STAG1: variants seen among roughly 807,000 people sequenced by gnomAD.
STAG1 encodes STAG1 cohesin complex component, also known as cohesin subunit SA-1.
Under a neutral mutation model 170.9 loss-of-function variants are expected in STAG1, and 26 were observed. That is an observed-to-expected ratio of 0.15 (90% CI 0.11 to 0.21). The LOEUF (loss-of-function observed/expected upper bound fraction) is 0.21. Among genes scored for constraint, STAG1 ranks in the 10% least tolerant of loss-of-function variants. The pLI, the probability that STAG1 is intolerant of heterozygous loss-of-function variation, is 1.00. For missense variants in STAG1, 964 were observed against 1,509.5 expected (o/e 0.64, Z 5.99); for synonymous variants, 514 against 497.7 (o/e 1.03, Z -0.44).
intron 3 of STAG1, among the ~76,000 whole-genome samples, chr3:136,613,538 ATG>A (rs975063993): frequency 6.6e-6 from 1 of 152,084 alleles, no homozygotes; most frequent in African/African-American, 2.4e-5. Context: ...CCAGACTAGA[ATG>A]TAATGATGCA....
chr3:136,678,040 G>A (rs1942194480), intron 1 of STAG1, among the ~76,000 whole-genome samples: 1 of 149,480 alleles, frequency 6.7e-6, no homozygotes, highest in Non-Finnish European at 1.5e-5. Flanking sequence ...GCACTAGTAT[G>A]AAGAAAATAC....
chr3:136,678,618 T>C (rs763312490), intron 1 of STAG1, among the ~76,000 whole-genome samples: 6 of 151,236 alleles, frequency 4.0e-5, no homozygotes, highest in African/African-American at 7.3e-5. Context: ...AAAAATTAAG[T>C]TTTTGTATCT....
intron 1 of STAG1, among the ~76,000 whole-genome samples, chr3:136,734,980 A>AGTG (rs1934254883): frequency 6.6e-6 from 1 of 152,182 alleles, no homozygotes; most frequent in African/African-American, 2.4e-5. Flanking sequence ...CCAGGCCTGC[A>AGTG]GTTTCTGGTC....
At chr3:136,464,132 T>C (rs1449938451) in intron 13 of STAG1, among the ~76,000 whole-genome samples, 1 of 151,856 alleles carries the variant, frequency 6.6e-6, no homozygotes, top group African/African-American at 2.4e-5. Context: ...ATTAAAATAA[T>C]CCTGATCATG....
chr3:136,580,726 G>C (rs926458037), intron 4 of STAG1, among the ~76,000 whole-genome samples: 8 of 150,562 alleles, frequency 5.3e-5, no homozygotes, highest in Non-Finnish European at 1.2e-4. Context: ...GTAGAGACGG[G>C]GTTTCACCTT....
In STAG1 at chr3:136,718,792, T is replaced by TG. The variant is rs775782082; in HGVS notation, c.-84+33402dup. On this transcript the variant is annotated intron_variant, in intron 1 of 33. Coordinates refer to ENST00000383202, the MANE Select transcript of STAG1 (RefSeq NM_005862.3). The stretch of plus-strand genomic sequence containing the variant: ...ATACAAAAAAATTGGCCAAGTGTGG[T>TG]GGGGGGGGCCTGTAATCCCAGCTAC... 2.4e-3 allele frequency among the ~76,000 whole-genome samples: 362 copies of TG among 150,834 alleles called. 1 individual carries two copies. The highest frequency in any genetic ancestry group is 4.6e-3 in the Admixed American group (70 of 15,126).
intron 4 of STAG1, among the ~76,000 whole-genome samples, chr3:136,599,034 A>G (rs1938558384): frequency 6.6e-6 from 1 of 152,176 alleles, no homozygotes; most frequent in African/African-American, 2.4e-5. Context: ...TGATTCCTCA[A>G]AGAACTAAAG....
intron 21 of STAG1, among the ~76,000 whole-genome samples, chr3:136,414,901 T>A (rs2087729773): frequency 6.6e-6 from 1 of 152,130 alleles, no homozygotes; most frequent in Non-Finnish European, 1.5e-5. Flanking sequence ...TCTCAGGGAA[T>A]AGGGAGGCCT....
intron 13 of STAG1, among the ~76,000 whole-genome samples, chr3:136,461,322 A>G (rs1576488701): frequency 6.6e-6 from 1 of 152,226 alleles, no homozygotes; most frequent in Non-Finnish European, 1.5e-5. Context: ...TAAAAGTCCT[A>G]GTCAGAGCAG....
At chr3:136,460,688 C>T (rs1047996549) in intron 13 of STAG1, among the ~76,000 whole-genome samples, 2 of 151,416 alleles carry the variant, frequency 1.3e-5, no homozygotes, top group Non-Finnish European at 2.9e-5. Context: ...AGTCTCCCCC[C>T]CCAAAAAAAA....
intron 1 of STAG1, among the ~76,000 whole-genome samples, chr3:136,708,620 A>C (rs938316734): frequency 5.9e-5 from 9 of 152,256 alleles, no homozygotes; most frequent in African/African-American, 1.9e-4. Flanking sequence ...TGTTATGTGA[A>C]TTTCATCTCA....
At chr3:136,478,849 C>T (rs2089835010) in intron 9 of STAG1, among the ~76,000 whole-genome samples, 1 of 152,098 alleles carries the variant, frequency 6.6e-6, no homozygotes, top group Non-Finnish European at 1.5e-5. Context: ...GGAAGACATC[C>T]TGAGTTCAAA....
chr3:136,698,035 G>T (rs571489741), intron 1 of STAG1, among the ~76,000 whole-genome samples: 2 of 151,370 alleles, frequency 1.3e-5, no homozygotes, highest in Admixed American at 6.6e-5. Flanking sequence ...AAAAAAGAAA[G>T]AAAGAAAATC....
intron 1 of STAG1, among the ~76,000 whole-genome samples, chr3:136,737,770 AC>A (rs1934423703): frequency 1.3e-5 from 2 of 152,322 alleles, no homozygotes; most frequent in South Asian, 4.1e-4. Flanking sequence ...ATAAATGAGC[AC>A]TTTAAAAATA....
chr3:136,550,066 T>G (rs904125280), intron 5 of STAG1, among the ~76,000 whole-genome samples: 2 of 152,200 alleles, frequency 1.3e-5, no homozygotes, highest in Non-Finnish European at 2.9e-5. Flanking sequence ...ATCAGGGATC[T>G]ATACTGGCCT....
intron 26 of STAG1, among the ~76,000 whole-genome samples, chr3:136,362,337 T>C (rs900743659): frequency 6.6e-6 from 1 of 152,190 alleles, no homozygotes; most frequent in Admixed American, 6.5e-5. Context: ...CGCTCACTTT[T>C]CTATGGGATT....
At chr3:136,363,918 T>C (rs1936976168) in intron 25 of STAG1, among the ~76,000 whole-genome samples, 1 of 152,054 alleles carries the variant, frequency 6.6e-6, no homozygotes, top group South Asian at 2.1e-4. Context: ...CACGCCTGGC[T>C]AATTTTTTTA....
intron 7 of STAG1, among the ~76,000 whole-genome samples, chr3:136,513,934 GA>G (rs953387640): frequency 1.5e-4 from 23 of 151,782 alleles, no homozygotes; most frequent in Admixed American, 2.6e-4. Context: ...AAAATTAAAA[GA>G]AAAAAAGTCA....
At chr3:136,477,213 C>A in intron 10 of STAG1, 76 bp downstream of exon 10, 1 of 1,459,890 alleles carries the variant, frequency 6.8e-7, no homozygotes, top group East Asian at 2.4e-5. Flanking sequence ...AAATCAACTA[C>A]TGTCATTTTG....
Sources: allele counts gnomAD v4.1 joint callset (sites outside exome capture counted in the v4.1 genomes callset), GRCh38; gene constraint gnomAD v4.1.1; transcripts MANE v1.5; gene names NCBI Gene and HGNC (gene_info 2026-07-23, HGNC 2026-07-21).